The following FOCAD variants were observed in gnomAD, a reference collection of about 807,000 sequenced individuals.
FOCAD encodes KIAA1797.
Under a neutral mutation model 225.6 loss-of-function variants are expected in FOCAD, and 198 were observed. The ratio of observed to expected loss-of-function variants is 0.88; its 90% CI spans 0.78 to 0.99. FOCAD has a LOEUF of 0.99. Ranked by LOEUF, FOCAD falls within the 50% of genes least tolerant of loss-of-function variation. The pLI is 0.00. For missense variants in FOCAD, 2,713 were observed against 2,123.6 expected, an observed-to-expected ratio of 1.28 and a Z score of -5.46; for synonymous variants, 897 against 755.0, an observed-to-expected ratio of 1.19 and a Z score of -3.08.
chr9:20,739,351 C>T (rs1392177120), intron 4 of FOCAD, among the ~76,000 whole-genome samples: 1 of 152,178 alleles, frequency 6.6e-6, no homozygotes, highest in African/African-American at 2.4e-5. Flanking sequence ...CACTTGTAAT[C>T]CCAGCACTTT....
At chr9:20,975,754 G>A (rs1166987249) in intron 35 of FOCAD, among the ~76,000 whole-genome samples, 1 of 152,170 alleles carries the variant, frequency 6.6e-6, no homozygotes, top group Non-Finnish European at 1.5e-5. Context: ...ATGGCCACCT[G>A]GAGAACTCAT....
At chr9:20,915,447 C>G (rs550979406) in intron 23 of FOCAD, among the ~76,000 whole-genome samples, 1 of 152,040 alleles carries the variant, frequency 6.6e-6, no homozygotes, top group African/African-American at 2.4e-5. Flanking sequence ...AAGGAGCAAC[C>G]AACTGTGTCA....
intron 27 of FOCAD, among the ~76,000 whole-genome samples, chr9:20,930,250 G>A (rs913593073): frequency 2.6e-5 from 4 of 151,998 alleles, no homozygotes; most frequent in Non-Finnish European, 4.4e-5. Flanking sequence ...CCACTAAATC[G>A]GAAAGGTTTT....
rs1563992051 is a variant in FOCAD at position 20,789,439 on chromosome 9, C to T, written c.1286C>T (p.Ser429Phe). The change falls in exon 11 of 44, where the codon TCT (serine) becomes TTT (phenylalanine). Residue 429 changes from serine (S) to phenylalanine (F), a missense_variant. Physicochemically the swap from Ser to Phe is radical, Grantham distance 155. Coordinates refer to ENST00000338382, the MANE Select transcript of FOCAD (RefSeq NM_001375567.1). ...WRILEVMTDS[S>F]AASDWLASVE... ...ATTCTTGAAGTAATGACAGACTCGT[C>T]TGCTGCAAGTGACTGGTTGGCTTCA... 3 of 1,614,060 alleles carry T rather than the reference C, an allele frequency of 1.9e-6. No individual in the cohort carries two copies. Among genetic ancestry groups the T allele is most frequent in the Non-Finnish European group, 1.7e-6 (2 of 1,179,990 alleles).
chr9:20,943,914 A>G (rs968415791), intron 28 of FOCAD, among the ~76,000 whole-genome samples: 2 of 152,230 alleles, frequency 1.3e-5, no homozygotes, highest in Non-Finnish European at 2.9e-5. Flanking sequence ...CTTTAAATGG[A>G]TATGTATTCA....
At chr9:20,655,879 T>A (rs972254166), upstream of FOCAD, among the ~76,000 whole-genome samples, 2 of 152,060 alleles carry the variant, frequency 1.3e-5, no homozygotes, top group Non-Finnish European at 2.9e-5. Flanking sequence ...AGGGTGTCAA[T>A]TTTAGATCTT....
intron 36 of FOCAD, among the ~76,000 whole-genome samples, chr9:20,977,284 C>T (rs898127176): frequency 2.0e-5 from 3 of 152,168 alleles, no homozygotes; most frequent in South Asian, 2.1e-4. Flanking sequence ...AAATCCTTAA[C>T]CTTAATCACA....
intron 1 of FOCAD, among the ~76,000 whole-genome samples, chr9:20,710,691 T>A (rs559682607): frequency 6.6e-6 from 1 of 152,188 alleles, no homozygotes; most frequent in African/African-American, 2.4e-5. Context: ...TAAAGCCCAA[T>A]GTAAGAAATT....
intron 18 of FOCAD, among the ~76,000 whole-genome samples, chr9:20,873,101 G>C (rs1201695414): frequency 3.3e-5 from 5 of 151,998 alleles, no homozygotes; most frequent in African/African-American, 1.2e-4. Context: ...AATGTTTTGA[G>C]GCTATTATAA....
upstream of FOCAD, among the ~76,000 whole-genome samples, chr9:20,682,587 A>C (rs1031647310): frequency 1.3e-5 from 2 of 152,178 alleles, no homozygotes; most frequent in South Asian, 2.1e-4. Flanking sequence ...ATTTTGACTA[A>C]TGAGCCTCAA....
At chr9:20,760,838 C>T (rs1030659171) in intron 6 of FOCAD, among the ~76,000 whole-genome samples, 2 of 152,160 alleles carry the variant, frequency 1.3e-5, no homozygotes, top group South Asian at 2.1e-4. Flanking sequence ...AATGAGGTTG[C>T]AGTGAGCGGA....
intron 15 of FOCAD, among the ~76,000 whole-genome samples, chr9:20,833,753 A>T (rs1347644565): frequency 6.6e-6 from 1 of 152,126 alleles, no homozygotes; most frequent in Non-Finnish European, 1.5e-5. Context: ...CAAAAAAGTT[A>T]TATGATTGAC....
Position 20,862,563 on chromosome 9 carries a change from C to G in FOCAD, c.1921-15C>G, listed in dbSNP as rs765452274. 3.5e-5 allele frequency: 56 copies of G among 1,611,406 alleles called. No individual in the cohort carries two copies. The highest frequency in any genetic ancestry group is 5.9e-6 in the Non-Finnish European group (7 of 1,178,726). On this transcript the variant is annotated splice_polypyrimidine_tract_variant and intron_variant, in intron 15 of 43. Transcript: ENST00000338382. ...GAGTCTTGTTAGGTGTTGACCTTTT[C>G]TATTTGCTTCACAGGTTGTTTGCAT... is the stretch of plus-strand genomic sequence containing the variant.
chr9:20,916,636 G>T (rs1833888459), intron 23 of FOCAD, among the ~76,000 whole-genome samples: 1 of 152,204 alleles, frequency 6.6e-6, no homozygotes, highest in South Asian at 2.1e-4. Flanking sequence ...TACTGTTACA[G>T]TGCTATCTGT....
chr9:20,661,770 C>T (rs1821734229), intron 2 of FOCAD, among the ~76,000 whole-genome samples: 1 of 152,156 alleles, frequency 6.6e-6, no homozygotes, highest in Non-Finnish European at 1.5e-5. Flanking sequence ...AAGGCATTTA[C>T]ACTTAGACTC....
intron 11 of FOCAD, among the ~76,000 whole-genome samples, chr9:20,814,405 G>C (rs1241845327): frequency 6.6e-6 from 1 of 151,292 alleles, no homozygotes; most frequent in Non-Finnish European, 1.5e-5. Flanking sequence ...GCCCAGGCTG[G>C]AGTATAGTGG....
intron 1 of FOCAD, among the ~76,000 whole-genome samples, chr9:20,696,634 T>C (rs746536897): frequency 3.3e-4 from 50 of 151,986 alleles, no homozygotes; most frequent in Admixed American, 1.2e-3. Flanking sequence ...CAAAACCTCC[T>C]CTCTACTAGA....
At chr9:20,818,292 T>C (rs1823946839) in intron 11 of FOCAD, among the ~76,000 whole-genome samples, 1 of 152,160 alleles carries the variant, frequency 6.6e-6, no homozygotes, top group African/African-American at 2.4e-5. Flanking sequence ...ATTAGCTATA[T>C]GGTTTGCAAA....
chr9:20,853,149 T>C (rs1012379970), intron 15 of FOCAD, among the ~76,000 whole-genome samples: 30 of 151,902 alleles, frequency 2.0e-4, no homozygotes, highest in African/African-American at 7.0e-4. Context: ...CTAGCAAAAC[T>C]GAAAAGTGAA....
Sources: gnomAD v4.1 joint callset for allele counts (sites outside exome capture counted in the v4.1 genomes callset) on GRCh38, gnomAD v4.1.1 for gene constraint, MANE v1.5 for transcripts, NCBI Gene and HGNC (gene_info 2026-07-23, HGNC 2026-07-21) for gene names.